The following CHN2 variants were observed in gnomAD, a reference collection of about 807,000 sequenced individuals.
CHN2 encodes beta-chimaerin.
A neutral mutation model predicts 56.3 loss-of-function variants in CHN2; 35 were observed. That is an observed-to-expected ratio of 0.62 (90% CI 0.47 to 0.82). The LOEUF (loss-of-function observed/expected upper bound fraction) is 0.82, where lower values mean the gene tolerates loss of function less well. Ranked by LOEUF, CHN2 falls within the 40% of genes least tolerant of loss-of-function variation. The pLI, the probability that CHN2 is intolerant of heterozygous loss-of-function variation, is 0.00. For synonymous variants in CHN2, 210 were observed against 212.8 expected, an observed-to-expected ratio of 0.99 and a Z score of 0.12; for missense variants, 491 against 580.5, an observed-to-expected ratio of 0.85 and a Z score of 1.58.
chr7:29,239,043 G>C (rs1043116974), intron 1 of CHN2, among the ~76,000 whole-genome samples: 3 of 152,182 alleles, frequency 2.0e-5, no homozygotes, highest in Non-Finnish European at 4.4e-5. Flanking sequence ...GATGTGACCT[G>C]ACTTTTATTT....
intron 6 of CHN2, among the ~76,000 whole-genome samples, chr7:29,425,793 A>G (rs1437673643): frequency 6.6e-6 from 1 of 152,292 alleles, no homozygotes; most frequent in East Asian, 1.9e-4. Flanking sequence ...GTCTCCCTTG[A>G]AATAAATTAA....
At chr7:29,276,143 CT>C (rs1791192552) in intron 1 of CHN2, among the ~76,000 whole-genome samples, 1 of 131,196 alleles carries the variant, frequency 7.6e-6, no homozygotes, top group South Asian at 2.6e-4. Context: ...AAATCATTGA[CT>C]TGAGATGGGA....
At chr7:29,337,599 T>C (rs1454582245) in intron 1 of CHN2, among the ~76,000 whole-genome samples, 1 of 152,210 alleles carries the variant, frequency 6.6e-6, no homozygotes, top group African/African-American at 2.4e-5. Context: ...GACCTACTGA[T>C]GCTGTCACCC....
At chr7:29,159,111 T>A (rs1238052479) in intron 2 of CHN2, among the ~76,000 whole-genome samples, 1 of 152,200 alleles carries the variant, frequency 6.6e-6, no homozygotes, top group African/African-American at 2.4e-5. Context: ...CCTAATGGGC[T>A]ACACAGCACA....
intron 1 of CHN2, among the ~76,000 whole-genome samples, chr7:29,312,140 T>C (rs1794645953): frequency 1.3e-5 from 2 of 152,244 alleles, no homozygotes; most frequent in African/African-American, 2.4e-5. Flanking sequence ...GAATCATGAC[T>C]GCCTGTTGCT....
intron 3 of CHN2, among the ~76,000 whole-genome samples, chr7:29,372,056 C>A (rs1455282349): frequency 6.6e-6 from 1 of 151,902 alleles, no homozygotes; most frequent in Non-Finnish European, 1.5e-5. Context: ...TAAATTAGAC[C>A]CTTCAATAGC....
chr7:29,452,905 C>G (rs1784502314), intron 6 of CHN2, among the ~76,000 whole-genome samples: 1 of 152,198 alleles, frequency 6.6e-6, no homozygotes. Context: ...CCCTGTGGGA[C>G]CTCATGCAGT....
intron 2 of CHN2, among the ~76,000 whole-genome samples, chr7:29,164,801 A>AAAC (rs61534046): frequency 7.0e-6 from 1 of 142,214 alleles, no homozygotes. Flanking sequence ...AAAAAAAAAA[A>AAAC]CAAAGATTAT....
chr7:29,350,623 G>A (rs10230232), intron 1 of CHN2, among the ~76,000 whole-genome samples: 35,372 of 151,968 alleles, frequency 0.23, 4,685 homozygotes, highest in Non-Finnish European at 0.3. Flanking sequence ...TCCAGATCTG[G>A]GGGCAAGAAT....
In CHN2 at chr7:29,512,549, A is replaced by T. The variant is rs745935718; in HGVS notation, c.1236-15A>T. ...AGTCTCCATAATGTCTCTGTTCTAT[A>T]TGTTTGTTTTGCAGGGTTACTATGA... is the stretch of plus-strand genomic sequence containing the variant. On this transcript the variant is annotated splice_polypyrimidine_tract_variant and intron_variant, in intron 12 of 12. Transcript: ENST00000222792. The T allele has an allele frequency of 1.9e-6, 3 of 1,606,398 alleles. No individual in the cohort carries two copies. The South Asian group carries it at 3.3e-5, about 18-fold the overall frequency.
intron 1 of CHN2, among the ~76,000 whole-genome samples, chr7:29,233,988 C>G (rs558908801): frequency 9.3e-5 from 14 of 149,996 alleles, no homozygotes; most frequent in Non-Finnish European, 1.6e-4. Flanking sequence ...CGCCCGCCAC[C>G]ACGCCCGGCT....
At chr7:29,155,966 C>T (rs10256731) in intron 2 of CHN2, among the ~76,000 whole-genome samples, 51,100 of 152,104 alleles carry the variant, frequency 0.34, 8,823 homozygotes, top group Non-Finnish European at 0.38. Flanking sequence ...ACAGCCTAGC[C>T]AGCTGTGCCC....
At chr7:29,438,309 G>C (rs911672977) in intron 6 of CHN2, among the ~76,000 whole-genome samples, 1 of 152,134 alleles carries the variant, frequency 6.6e-6, no homozygotes, top group Non-Finnish European at 1.5e-5. Context: ...CTTAAATCTG[G>C]TTAAAGTAAC....
chr7:29,423,593 A>T (rs1804556089), intron 6 of CHN2, among the ~76,000 whole-genome samples: 1 of 152,260 alleles, frequency 6.6e-6, no homozygotes, highest in Non-Finnish European at 1.5e-5. Context: ...TCCAGGAAGG[A>T]CGAAATCTCA....
intron 2 of CHN2, among the ~76,000 whole-genome samples, chr7:29,172,462 C>A (rs1470915946): frequency 6.6e-6 from 1 of 152,080 alleles, no homozygotes; most frequent in Non-Finnish European, 1.5e-5. Context: ...ACCCATTTAT[C>A]ATCCAAAAAA....
At position 29,496,004 on chromosome 7, in the gene CHN2, G is replaced by A; in HGVS notation, c.707G>A (p.Trp236Ter). The A allele has an allele frequency of 1.2e-6, 2 of 1,612,382 alleles. No homozygotes were observed. Among genetic ancestry groups the A allele is most frequent in the Non-Finnish European group, 1.7e-6 (2 of 1,179,500 alleles). ...HWCEYCANFMWGLIAQGVRCS... is the reference protein window; with the variant it reads ...HWCEYCANFM ...TGTGAATATTGTGCCAATTTCATGT[G>A]GGGGCTCATCGCCCAAGGGGTCCGG... The change falls in exon 8 of 13, where the codon TGG (tryptophan) becomes TAG (stop). Residue 236 changes from tryptophan to a stop codon, truncating the protein, a stop_gained. Transcript: ENST00000222792. LOFTEE classifies it high-confidence loss of function.
At chr7:29,500,176 C>A in intron 9 of CHN2, 136 bp downstream of exon 9, 1 of 476,204 alleles carries the variant, frequency 2.1e-6, no homozygotes, top group Non-Finnish European at 3.6e-6. Flanking sequence ...CACACACACA[C>A]TCTCTCTCTC....
intron 2 of CHN2, among the ~76,000 whole-genome samples, chr7:29,170,180 G>T (rs1320814608): frequency 1.3e-5 from 2 of 152,034 alleles, no homozygotes; most frequent in African/African-American, 4.8e-5. Flanking sequence ...CTTAAACATG[G>T]TCCTAAGGTG....
intron 1 of CHN2, among the ~76,000 whole-genome samples, chr7:29,265,830 A>C (rs1023173196): frequency 5.6e-4 from 85 of 152,284 alleles, no homozygotes; most frequent in Middle Eastern, 3.4e-3. Flanking sequence ...GAGCGTAACA[A>C]CAAGGAAAAG....
Sources: gnomAD v4.1 joint callset for allele counts (sites outside exome capture counted in the v4.1 genomes callset) on GRCh38, gnomAD v4.1.1 for gene constraint, MANE v1.5 for transcripts, NCBI Gene and HGNC (gene_info 2026-07-23, HGNC 2026-07-21) for gene names.